COL6A2: variants seen among roughly 807,000 people sequenced by gnomAD.
COL6A2 encodes collagen type VI alpha 2 chain.
COL6A2 carries 90 observed loss-of-function variants against 124.9 expected under a neutral mutation model. The observed-to-expected ratio is 0.72, with a 90% CI of 0.61 to 0.86. The LOEUF (loss-of-function observed/expected upper bound fraction) is 0.86, where lower values mean the gene tolerates loss of function less well. Among genes scored for constraint, COL6A2 ranks in the 40% least tolerant of loss-of-function variants. The pLI is 0.00. For synonymous variants in COL6A2, 793 were observed against 618.2 expected (o/e 1.28, Z -4.19); for missense variants, 1,607 against 1,502.5 (o/e 1.07, Z -1.15).
chr21:46,098,687 C>A (rs1008193213), intron 1 of COL6A2: 10 of 147,708 alleles, frequency 6.8e-5, no homozygotes, highest in Non-Finnish European at 1.2e-4. Context: ...TGCCCGAGGG[C>A]GGGACTGGGC....
rs760263812 is a variant in COL6A2, at chr21:46,114,062, C to T, written c.790C>T (p.Arg264Cys). The change falls in exon 5 of 28, where the codon CGT (arginine) becomes TGT (cysteine). Residue 264 changes from arginine to cysteine, a missense_variant. By Grantham distance (180) the Arg-to-Cys change is radical (BLOSUM62 -3). Around this residue, in one of 3 missense-constraint regions of COL6A2, gnomAD observed 342 missense variants for 381.5 expected, o/e 0.90. Transcript: ENST00000300527. ...IPGPSGPKGY[R>C]GQKGAKGNMG... The stretch of plus-strand genomic sequence containing the variant: ...TGGGCCCTCTGGCCCCAAGGGCTAC[C>T]GTGGACAGAAGGTAAGATGCCCAGA... The T allele has an allele frequency of 9.9e-6, 16 of 1,613,472 alleles. No individual in the cohort carries two copies. The highest frequency in any genetic ancestry group is 1.7e-5 in the Admixed American group (1 of 60,026).
At chr21:46,128,117 C>T (rs1012787940) in intron 27 of COL6A2, among the ~76,000 whole-genome samples, 4 of 152,350 alleles carry the variant, frequency 2.6e-5, no homozygotes, top group Admixed American at 2.0e-4. Flanking sequence ...CCTCCCCAGA[C>T]GGTGACATGG....
chr21:46,124,675 C>A lies in COL6A2; in HGVS notation c.1696C>A (p.Pro566Thr). ...EPADPGPPGE[P>T]GPRGPRGVPG... ...GGCGGATCCTGGTCCCCCTGGTGAG[C>A]CAGGCCCTCGGGGGCCAAGAGGAGT... Residue 566 changes from proline (P) to threonine (T), a missense_variant, in exon 22 of 28, where the codon CCA becomes ACA. This residue lies in a region of COL6A2 where 1,223 missense variants were observed against 1,052.2 expected (regional missense o/e 1.16). Transcript: ENST00000300527. 1.2e-6 allele frequency: 2 copies of A among 1,612,952 alleles called. No individual in the cohort carries two copies. The highest frequency in any genetic ancestry group is 1.1e-5 in the South Asian group (1 of 91,078).
At chr21:46,109,427 G>A (rs985662053) in intron 1 of COL6A2, among the ~76,000 whole-genome samples, 1 of 152,196 alleles carries the variant, frequency 6.6e-6, no homozygotes, top group African/African-American at 2.4e-5. Flanking sequence ...CCTCTGGTCC[G>A]TAGGACGGGC....
intron 20 of COL6A2, 41 bp from the exon 21 acceptor site, chr21:46,122,834 C>A: frequency 6.3e-7 from 1 of 1,591,360 alleles, no homozygotes; most frequent in Non-Finnish European, 8.6e-7. Context: ...CTGGTAGAGA[C>A]AGCTCCTCTG....
chr21:46,120,018 C>T (rs1434140359), intron 15 of COL6A2, among the ~76,000 whole-genome samples, 168 bp downstream of exon 15: 2 of 146,102 alleles, frequency 1.4e-5, no homozygotes, highest in Non-Finnish European at 1.5e-5. Flanking sequence ...ATCCCCACAC[C>T]CCATTCTCTG....
rs201875609 is a variant in COL6A2 at position 46,132,554 on chromosome 21, G to T, written c.*2G>T. ...CGCTTCATCCGCTGGATCTGCTAGC[G>T]CCGCCGCCCGGGCCCCGCAGTCGAG... is the stretch of plus-strand genomic sequence containing the variant. On this transcript the variant is annotated 3_prime_UTR_variant, in exon 28 of 28. Transcript: ENST00000300527. The T allele has an allele frequency of 3.1e-6, 5 of 1,591,778 alleles. No individual in the cohort carries two copies. In the South Asian group the frequency reaches 3.4e-5, roughly 11 times the overall value.
At chr21:46,122,999 T>C in intron 21 of COL6A2, 62 bp downstream of exon 21, 7 of 1,490,260 alleles carry the variant, frequency 4.7e-6, no homozygotes, top group Non-Finnish European at 6.6e-6. Flanking sequence ...GCCCTGAGGC[T>C]GAGCGTGTGC....
Position 46,112,085 on chromosome 21 carries a change from G to T in COL6A2, c.222G>T (p.Val74=). Residue 74 remains valine, a synonymous_variant, in exon 3 of 28, where the codon GTG becomes GTT. Transcript: ENST00000300527. ...DILLFHMKQF[V]PQFISQLQNE... ...TGCTCTTCCACATGAAGCAGTTCGT[G>T]CCGCAGTTCATCAGCCAGCTGCAGA... The T allele has an allele frequency of 6.2e-7, 1 of 1,613,186 alleles. No homozygotes were observed. The highest frequency in any genetic ancestry group is 8.5e-7 in the Non-Finnish European group (1 of 1,180,036).
rs148208114 is a variant in COL6A2 at position 46,121,604 on chromosome 21, C to A, written c.1507C>A (p.Gln503Lys). 2.5e-6 allele frequency: 4 copies of A among 1,612,794 alleles called. No individual in the cohort carries two copies. The South Asian group carries it at 4.4e-5, about 18-fold the overall frequency. Residue 503 changes from glutamine (Q) to lysine (K), a missense_variant, in exon 18 of 28, where the codon CAG becomes AAG. Physicochemically the swap from Gln to Lys is moderately conservative, Grantham distance 53. Coordinates refer to ENST00000300527, the MANE Select transcript of COL6A2 (RefSeq NM_001849.4). ...TGCAGGACCCCGTGGAGACTCAGGA[C>A]AGCCAGGCCCCAAGGTACGTGCCCC... ...GDAGPRGDSG[Q>K]PGPKGDPGRP...
chr21:46,100,395 T>G (rs1348614634), intron 1 of COL6A2, among the ~76,000 whole-genome samples: 1 of 152,208 alleles, frequency 6.6e-6, no homozygotes, highest in East Asian at 1.9e-4. Context: ...CCCGAATTTT[T>G]TATTGTGGTA....
In COL6A2 at chr21:46,125,730, G is replaced by A. The variant is rs2078653314; in HGVS notation, c.1970-55G>A. ...TCCAACGAGGGCCTCTGCATGGCTG[G>A]GGATGCCCCAGACCCCGAGGCCTCT... On this transcript the variant is annotated intron_variant, in intron 25 of 27. Transcript: ENST00000300527. The A allele has an allele frequency of 2.5e-6, 4 of 1,601,900 alleles. No individual in the cohort carries two copies. In the Admixed American group the frequency reaches 5.1e-5, roughly 20 times the overall value.
At chr21:46,122,313 C>T (rs895384938) in intron 19 of COL6A2, among the ~76,000 whole-genome samples, 155 bp downstream of exon 19, 1 of 152,158 alleles carries the variant, frequency 6.6e-6, no homozygotes, top group African/African-American at 2.4e-5. Context: ...CTTCGGGTGA[C>T]TCAGTGAAGG....
intron 14 of COL6A2, 78 bp downstream of exon 14, chr21:46,119,197 G>A: frequency 9.0e-7 from 1 of 1,114,130 alleles, no homozygotes; most frequent in Non-Finnish European, 1.3e-6. Flanking sequence ...ATGGGGGAAG[G>A]GCACCTGGGC....
rs2078511030 is a variant in COL6A2 at position 46,118,516 on chromosome 21, G to A, written c.1117-98G>A. 2.5e-6 allele frequency: 3 copies of A among 1,198,556 alleles called. No homozygotes were observed. The East Asian group carries it at 7.3e-5, about 29-fold the overall frequency. The allele number at this position is 1,198,556 out of a possible 1,614,324, so 74.2% of individuals were successfully genotyped here. On this transcript the variant is annotated intron_variant, in intron 12 of 27. Coordinates refer to ENST00000300527, the MANE Select transcript of COL6A2 (RefSeq NM_001849.4). ...GCCCCGTGGACATCAGGGAGGTGCA[G>A]TCCCAAGCCCGACCGTGGGTCCTGC...
rs750694212 is a variant in COL6A2 at position 46,122,119 on chromosome 21, C to T, written c.1533C>T (p.Gly511=). 1 of 1,612,760 alleles carries T rather than the reference C, an allele frequency of 6.2e-7. No homozygotes were observed. Among genetic ancestry groups the T allele is most frequent in the Non-Finnish European group, 8.5e-7 (1 of 1,179,988 alleles). The part of the protein sequence containing the change: ...SGQPGPKGDP[G]RPGFSYPGPR... ...ACGTCCTCCTCCAGGGAGACCCCGG[C>T]AGGCCTGGATTCAGCTACCCAGGAC... Residue 511 remains glycine (G), a synonymous_variant, in exon 19 of 28, where the codon GGC becomes GGT. Coordinates refer to ENST00000300527, the MANE Select transcript of COL6A2 (RefSeq NM_001849.4).
At chr21:46,108,759 T>C (rs1277809058) in intron 1 of COL6A2, among the ~76,000 whole-genome samples, 1 of 152,190 alleles carries the variant, frequency 6.6e-6, no homozygotes, top group Non-Finnish European at 1.5e-5. Flanking sequence ...AATATGCTAT[T>C]GGATTTTAGT....
rs112736574 is a variant in COL6A2 at position 46,132,848 on chromosome 21, A to G, written c.*296A>G. 4.1e-6 allele frequency: 2 copies of G among 493,814 alleles called. No homozygotes were observed. The highest frequency in any genetic ancestry group is 3.5e-5 in the East Asian group (1 of 28,264). 30.6% of individuals were successfully genotyped at this position (493,814 alleles called of 1,614,324 possible). ...CTGACCCAATAAAGGCTTTGAACCC[A>G]TTGCGTGCCTGCTTGCGAGCTTCTG... On this transcript the variant is annotated 3_prime_UTR_variant, in exon 28 of 28. Coordinates refer to ENST00000300527, the MANE Select transcript of COL6A2 (RefSeq NM_001849.4).
intron 27 of COL6A2, 32 bp downstream of exon 27, chr21:46,126,573 G>A (rs200099651): frequency 1.9e-6 from 3 of 1,612,960 alleles, no homozygotes. Context: ...CACCACCCCA[G>A]ACTAGCAAAG....
Sources: gnomAD v4.1 joint callset for allele counts (sites outside exome capture counted in the v4.1 genomes callset) on GRCh38, gnomAD v4.1.1 for gene constraint, gnomAD v4.1.1 regional missense constraint, MANE v1.5 for transcripts, NCBI Gene and HGNC (gene_info 2026-07-23, HGNC 2026-07-21) for gene names.